STXBP5L: variants seen among roughly 807,000 people sequenced by gnomAD.
The protein encoded by STXBP5L is syntaxin-binding protein 5-like.
A neutral mutation model predicts 144.5 loss-of-function variants in STXBP5L; 65 were observed. That is an observed-to-expected ratio of 0.45 (90% confidence interval 0.37 to 0.55). STXBP5L has a LOEUF of 0.55. Ranked by LOEUF, STXBP5L falls within the 20% of genes least tolerant of loss-of-function variation. STXBP5L has a pLI of 0.00. For synonymous variants in STXBP5L, 505 were observed against 469.6 expected, an observed-to-expected ratio of 1.08 and a Z score of -0.97; for missense variants, 1,298 against 1,405.5, an observed-to-expected ratio of 0.92 and a Z score of 1.22.
At chr3:120,974,702 C>G (rs938682997) in intron 3 of STXBP5L, among the ~76,000 whole-genome samples, 1 of 152,134 alleles carries the variant, frequency 6.6e-6, no homozygotes, top group African/African-American at 2.4e-5. Context: ...TTTAATCCAT[C>G]TTGAATTAAT....
intron 9 of STXBP5L, among the ~76,000 whole-genome samples, chr3:121,164,149 T>C (rs1024316228): frequency 3.9e-5 from 6 of 152,180 alleles, no homozygotes; most frequent in African/African-American, 1.4e-4. Context: ...CACTAATCTT[T>C]TTCTATCTCT....
rs992255151 is a variant in STXBP5L at position 121,415,089 on chromosome 3, A to G, written c.3115-768A>G. On this transcript the variant is annotated intron_variant, in intron 24 of 26. Coordinates refer to ENST00000471454, the MANE Select transcript of STXBP5L (RefSeq NM_001308330.2). ...AAAGGGAGATGATGCAATTAAAATC[A>G]TACTGGAAGTTCATAGGAAACCAAT... Among the ~76,000 whole-genome samples, 2 of 152,312 alleles carry G rather than the reference A, an allele frequency of 1.3e-5. 1 individual carries two copies. Among genetic ancestry groups the G allele is most frequent in the South Asian group, 4.1e-4 (2 of 4,828 alleles).
At chr3:121,242,793 T>TA (rs146196167) in intron 14 of STXBP5L, among the ~76,000 whole-genome samples, 1 of 151,244 alleles carries the variant, frequency 6.6e-6, no homozygotes, top group East Asian at 1.9e-4. Flanking sequence ...AAAAAAAAAC[T>TA]AAAAAAAGAA....
intron 7 of STXBP5L, among the ~76,000 whole-genome samples, chr3:121,140,868 A>G (rs1249716742): frequency 6.6e-6 from 1 of 152,176 alleles, no homozygotes; most frequent in Non-Finnish European, 1.5e-5. Context: ...TGCACTGTTG[A>G]AAAATATAGA....
intron 3 of STXBP5L, among the ~76,000 whole-genome samples, chr3:120,966,317 C>T (rs1206145430): frequency 6.6e-6 from 1 of 152,208 alleles, no homozygotes. Flanking sequence ...CAGCTTTGTT[C>T]CGTTGCTGGC....
intron 2 of STXBP5L, among the ~76,000 whole-genome samples, chr3:120,933,606 G>T (rs1305315516): frequency 6.6e-6 from 1 of 152,112 alleles, no homozygotes; most frequent in Non-Finnish European, 1.5e-5. Context: ...TTACTGCATT[G>T]GGTGGAGATT....
At chr3:120,999,880 T>A (rs1943634781) in intron 3 of STXBP5L, among the ~76,000 whole-genome samples, 1 of 152,194 alleles carries the variant, frequency 6.6e-6, no homozygotes, top group South Asian at 2.1e-4. Flanking sequence ...TTTAGTTTGG[T>A]GGGATATGAA....
At chr3:121,214,800 G>A (rs1460142135) in intron 10 of STXBP5L, among the ~76,000 whole-genome samples, 1 of 152,076 alleles carries the variant, frequency 6.6e-6, no homozygotes, top group East Asian at 1.9e-4. Flanking sequence ...TATTGACAGT[G>A]GGGAGTTAAA....
chr3:121,092,972 T>C (rs1187672206), intron 5 of STXBP5L, among the ~76,000 whole-genome samples: 1 of 152,252 alleles, frequency 6.6e-6, no homozygotes, highest in Non-Finnish European at 1.5e-5. Context: ...TTGAGAGTTT[T>C]TAGCATGAAG....
intron 20 of STXBP5L, among the ~76,000 whole-genome samples, chr3:121,345,924 G>A (rs995257671): frequency 2.0e-5 from 3 of 151,700 alleles, no homozygotes; most frequent in Non-Finnish European, 4.4e-5. Context: ...TTTAGTCTTT[G>A]TTCTTCTAGT....
At chr3:121,118,965 A>T (rs1260436066) in intron 6 of STXBP5L, among the ~76,000 whole-genome samples, 2 of 151,500 alleles carry the variant, frequency 1.3e-5, no homozygotes, top group Non-Finnish European at 3.0e-5. Flanking sequence ...GGTGGGATAT[A>T]TATGGATCTG....
intron 2 of STXBP5L, among the ~76,000 whole-genome samples, chr3:120,915,214 T>C (rs1308647895): frequency 1.3e-5 from 2 of 152,178 alleles, no homozygotes; most frequent in African/African-American, 2.4e-5. Context: ...AGTATGTTTT[T>C]CTGTAGGAGT....
chr3:120,981,855 T>C (rs76852079), intron 3 of STXBP5L, among the ~76,000 whole-genome samples: 65 of 152,322 alleles, frequency 4.3e-4, no homozygotes, highest in African/African-American at 1.6e-3. Flanking sequence ...TTTTTCCTCC[T>C]TGAAGGTATG....
intron 20 of STXBP5L, among the ~76,000 whole-genome samples, chr3:121,375,088 T>C (rs1309393448): frequency 2.6e-5 from 4 of 152,158 alleles, no homozygotes; most frequent in Admixed American, 2.6e-4. Flanking sequence ...CTTATTCAGA[T>C]GTGATTCCAC....
chr3:121,183,532 G>A (rs1466594448), intron 9 of STXBP5L, among the ~76,000 whole-genome samples: 3 of 151,060 alleles, frequency 2.0e-5, no homozygotes, highest in African/African-American at 4.9e-5. Flanking sequence ...CAAGAACACA[G>A]CCCCTTTTAC....
intron 5 of STXBP5L, among the ~76,000 whole-genome samples, chr3:121,107,665 T>C (rs916065571): frequency 3.9e-5 from 6 of 152,190 alleles, no homozygotes; most frequent in African/African-American, 1.4e-4. Flanking sequence ...AGCTTTCTTC[T>C]TTTTGCTTAG....
chr3:121,032,040 G>A (rs1420021923), intron 3 of STXBP5L, among the ~76,000 whole-genome samples: 1 of 152,062 alleles, frequency 6.6e-6, no homozygotes, highest in Non-Finnish European at 1.5e-5. Flanking sequence ...GATCTACTGA[G>A]TATTTAGATA....
chr3:120,988,149 G>A (rs1371967824), intron 3 of STXBP5L, among the ~76,000 whole-genome samples: 1 of 145,724 alleles, frequency 6.9e-6, no homozygotes, highest in Non-Finnish European at 1.5e-5. Flanking sequence ...TCCTTTCTCT[G>A]CTTTTAGTTT....
intron 9 of STXBP5L, among the ~76,000 whole-genome samples, chr3:121,190,753 G>GGCCAGGCGGGGGCTGCCCCCCACCTC (rs1397186195): frequency 3.2e-5 from 1 of 30,944 alleles, no homozygotes; most frequent in Non-Finnish European, 6.2e-5. Flanking sequence ...TGGGGCAGCT[G>GGCCAGGCGGGGGCTGCCCCCCACCTC]CCGGGCGGAG....
Sources: allele counts gnomAD v4.1 joint callset (sites outside exome capture counted in the v4.1 genomes callset), GRCh38; gene constraint gnomAD v4.1.1; transcripts MANE v1.5; gene names NCBI Gene and HGNC (gene_info 2026-07-23, HGNC 2026-07-21).